The following ST8SIA1 variants were observed in gnomAD, a reference collection of about 807,000 sequenced individuals.
ST8SIA1 encodes the protein ST8 alpha-N-acetyl-neuraminide alpha-2,8-sialyltransferase 1, also known as alpha-N-acetylneuraminide alpha-2,8-sialyltransferase.
In ST8SIA1, 16 loss-of-function variants were observed where a neutral mutation model predicts 35.9. The observed-to-expected ratio is 0.45, with a 90% CI of 0.30 to 0.68. The LOEUF (loss-of-function observed/expected upper bound fraction) is 0.68. Ranked by LOEUF, ST8SIA1 falls within the 30% of genes least tolerant of loss-of-function variation. The probability of loss-of-function intolerance (pLI) is 0.09; values close to 1 mark genes in which losing one functional copy is unlikely to be tolerated. For synonymous variants in ST8SIA1, 170 were observed against 169.6 expected (o/e 1.00, Z -0.02); for missense variants, 383 against 453.6 (o/e 0.84, Z 1.41).
chr12:22,291,019 T>C (rs542884144), intron 1 of ST8SIA1, among the ~76,000 whole-genome samples: 9 of 152,212 alleles, frequency 5.9e-5, no homozygotes, highest in African/African-American at 1.7e-4. Flanking sequence ...GCTTCAGTAA[T>C]AGTTGTAGCT....
chr12:22,314,227 A>G (rs909348696), intron 1 of ST8SIA1, among the ~76,000 whole-genome samples: 8 of 152,146 alleles, frequency 5.3e-5, no homozygotes, highest in Non-Finnish European at 8.8e-5. Context: ...CATGCTCACT[A>G]GTACTACCCT....
chr12:22,242,298 T>C (rs917259199), intron 4 of ST8SIA1, among the ~76,000 whole-genome samples: 4 of 152,180 alleles, frequency 2.6e-5, no homozygotes, highest in Non-Finnish European at 4.4e-5. Context: ...CCAATCATTA[T>C]ATTGGGTTAT....
chr12:22,297,721 C>T (rs1224870331), intron 1 of ST8SIA1, among the ~76,000 whole-genome samples: 1 of 152,076 alleles, frequency 6.6e-6, no homozygotes, highest in Non-Finnish European at 1.5e-5. Flanking sequence ...ATTCTGGGAG[C>T]TAGAATCTTT....
At chr12:22,211,271 C>T (rs1865172687) in intron 4 of ST8SIA1, among the ~76,000 whole-genome samples, 1 of 152,216 alleles carries the variant, frequency 6.6e-6, no homozygotes, top group African/African-American at 2.4e-5. Flanking sequence ...AGCTTCATTA[C>T]ATAGCCATGA....
chr12:22,194,621 T>C lies in ST8SIA1; in HGVS notation c.*6931A>G, dbSNP rs1453570016. On this transcript the variant is annotated 3_prime_UTR_variant, in exon 5 of 5. Coordinates refer to ENST00000396037, the MANE Select transcript of ST8SIA1 (RefSeq NM_003034.4). Reference sequence around the variant, plus strand: ...CTCTTCTCCACAGGTAAAGGGCTTATGTGTGTTTGTGTTGTGTACACTAGA... The same window carrying C: ...CTCTTCTCCACAGGTAAAGGGCTTACGTGTGTTTGTGTTGTGTACACTAGA... The C allele has an allele frequency of 2.6e-5, 4 of 152,182 alleles. No homozygotes were observed. The highest frequency in any genetic ancestry group is 2.6e-4 in the Admixed American group (4 of 15,276). 9.4% of individuals were successfully genotyped at this position (152,182 alleles called of 1,614,324 possible). A position where few individuals can be genotyped will look rare whatever the true frequency, so the allele number is the denominator to read the frequency against.
Position 22,290,728 on chromosome 12 carries a change from T to C in ST8SIA1, c.237-3435A>G, listed in dbSNP as rs115168732. ...TCTAGGAAATTGTCAGATTAAATAATGGACTTCACGTCCGTCTAACCTTCA... is the reference window on the plus strand; with the variant it reads ...TCTAGGAAATTGTCAGATTAAATAACGGACTTCACGTCCGTCTAACCTTCA... On this transcript the variant is annotated intron_variant, in intron 1 of 4. Coordinates refer to ENST00000396037, the MANE Select transcript of ST8SIA1 (RefSeq NM_003034.4). Among the ~76,000 whole-genome samples the C allele has an allele frequency of 2.8e-3, 432 of 152,348 alleles. 2 individuals carry two copies. Among genetic ancestry groups the C allele is most frequent in the African/African-American group, 0.01 (418 of 41,584 alleles).
chr12:22,216,704 A>G (rs559479391), intron 4 of ST8SIA1, among the ~76,000 whole-genome samples: 2 of 152,268 alleles, frequency 1.3e-5, no homozygotes, highest in South Asian at 4.1e-4. Flanking sequence ...GCTGTTCCCT[A>G]AGGCTAATGC....
chr12:22,266,251 A>C (rs1591839082), intron 2 of ST8SIA1, among the ~76,000 whole-genome samples: 1 of 151,896 alleles, frequency 6.6e-6, no homozygotes, highest in Non-Finnish European at 1.5e-5. Flanking sequence ...AGTGCAAGGA[A>C]TGCTAAAAAA....
At chr12:22,220,508 A>C (rs1334942264) in intron 4 of ST8SIA1, among the ~76,000 whole-genome samples, 1 of 152,196 alleles carries the variant, frequency 6.6e-6, no homozygotes, top group Non-Finnish European at 1.5e-5. Context: ...CTAATAGCAG[A>C]ATTGAAAATT....
chr12:22,325,276 A>G, intron 1 of ST8SIA1: 1 of 579,654 alleles, frequency 1.7e-6, no homozygotes, highest in Non-Finnish European at 3.1e-6. Context: ...GGCAAGATGT[A>G]GTGGGACGAA....
chr12:22,303,383 C>CA (rs1370507098), intron 1 of ST8SIA1, among the ~76,000 whole-genome samples: 1 of 151,942 alleles, frequency 6.6e-6, no homozygotes, highest in Non-Finnish European at 1.5e-5. Flanking sequence ...GCTTCCTTGG[C>CA]AATGGAAGGC....
chr12:22,312,313 C>T (rs1468240818), intron 1 of ST8SIA1, among the ~76,000 whole-genome samples: 1 of 152,112 alleles, frequency 6.6e-6, no homozygotes, highest in Admixed American at 6.6e-5. Context: ...CATCTTTCCC[C>T]AGACTTTGAT....
In ST8SIA1 at chr12:22,195,412, TTCTC is replaced by T. The variant is rs1312505247; in HGVS notation, c.*6136_*6139del. On this transcript the variant is annotated 3_prime_UTR_variant, in exon 5 of 5. Transcript: ENST00000396037. ...GTCACACTGCTTCCTCTAGCATCTT[TTCTC>T]TCTTTTTTTTTCTGTTTGTTGTTTT... 3 of 152,040 alleles carry T rather than the reference TTCTC, an allele frequency of 2.0e-5. No homozygotes were observed. Among genetic ancestry groups the T allele is most frequent in the Non-Finnish European group, 4.4e-5 (3 of 68,190 alleles). 9.4% of individuals were successfully genotyped at this position (152,040 alleles called of 1,614,324 possible).
chr12:22,242,701 A>G (rs1485137454), intron 4 of ST8SIA1, among the ~76,000 whole-genome samples: 4 of 152,218 alleles, frequency 2.6e-5, no homozygotes, highest in Non-Finnish European at 5.9e-5. Flanking sequence ...TGTTTTAAGA[A>G]CAAGGGCTAC....
intron 1 of ST8SIA1, among the ~76,000 whole-genome samples, chr12:22,331,969 G>A (rs1210300138): frequency 6.6e-6 from 1 of 152,176 alleles, no homozygotes; most frequent in Non-Finnish European, 1.5e-5. Flanking sequence ...TATTAAAAAT[G>A]TAAACCTTCT....
At chr12:22,299,256 C>T (rs1261962903) in intron 1 of ST8SIA1, among the ~76,000 whole-genome samples, 1 of 151,778 alleles carries the variant, frequency 6.6e-6, no homozygotes, top group African/African-American at 2.4e-5. Flanking sequence ...CAATTTTTGT[C>T]TAATTCAAAG....
chr12:22,288,449 G>T (rs1490040002), intron 1 of ST8SIA1, among the ~76,000 whole-genome samples: 1 of 152,170 alleles, frequency 6.6e-6, no homozygotes, highest in Admixed American at 6.5e-5. Flanking sequence ...AGTTCAATAC[G>T]TGGTAGGTGT....
chr12:22,248,753 C>T (rs559513655), intron 4 of ST8SIA1: 1 of 410,304 alleles, frequency 2.4e-6, no homozygotes, highest in African/African-American at 2.0e-5. Flanking sequence ...GTTCTTTGAG[C>T]AAAACAATTG....
At chr12:22,263,909 T>C (rs1375615238) in intron 2 of ST8SIA1, among the ~76,000 whole-genome samples, 1 of 152,218 alleles carries the variant, frequency 6.6e-6, no homozygotes, top group African/African-American at 2.4e-5. Flanking sequence ...AGGCTGTCAC[T>C]ACATGCCACC....
Sources: allele counts gnomAD v4.1 joint callset (sites outside exome capture counted in the v4.1 genomes callset), GRCh38; gene constraint gnomAD v4.1.1; transcripts MANE v1.5; gene names NCBI Gene and HGNC (gene_info 2026-07-23, HGNC 2026-07-21).